Variants in AGER observed in about 807,000 individuals in gnomAD.
AGER encodes the protein advanced glycation end product-specific receptor.
A neutral mutation model predicts 48.8 loss-of-function variants in AGER; 46 were observed. The observed-to-expected ratio is 0.94, with a 90% CI of 0.74 to 1.20. The LOEUF is 1.20. AGER is among the 50% of genes most tolerant of loss of function. The probability of loss-of-function intolerance (pLI) is 0.00; values close to 1 mark genes in which losing one functional copy is unlikely to be tolerated. For synonymous variants in AGER, 170 were observed against 199.9 expected (o/e 0.85, Z 1.26); for missense variants, 489 against 515.0 (o/e 0.95, Z 0.49).
intron 2 of AGER, 49 bp from the exon 3 acceptor site, chr6:32,183,799 G>A: frequency 6.2e-7 from 1 of 1,611,538 alleles, no homozygotes; most frequent in Non-Finnish European, 8.5e-7. Context: ...TTTGGGAAAG[G>A]ACTGTGAGGC....
chr6:32,182,073 C>T lies in AGER; in HGVS notation c.964+174G>A, dbSNP rs1443043137. The T allele has an allele frequency of 5.4e-6, 5 of 931,806 alleles. No homozygotes were observed. The South Asian group carries it at 6.9e-5, about 13-fold the overall frequency. 57.7% of individuals were successfully genotyped at this position (931,806 alleles called of 1,614,324 possible). ...TAGCTCAGAGGGAAGAAGGGAGAGG[C>T]TTGGCTGCTCTCTTGGCAGAATTTG... On this transcript the variant is annotated intron_variant, in intron 8 of 10. Coordinates refer to ENST00000375076, the MANE Select transcript of AGER (RefSeq NM_001136.5). The surrounding 1 kb of genome is among the most constrained non-coding windows in gnomAD (Gnocchi z 5.1).
chr6:32,183,904 G>A lies in AGER; in HGVS notation c.136C>T (p.Pro46Ser), dbSNP rs1226933150. The A allele has an allele frequency of 5.6e-6, 9 of 1,612,972 alleles. No individual in the cohort carries two copies. The highest frequency in any genetic ancestry group is 7.6e-6 in the Non-Finnish European group (9 of 1,180,038). Residue 46 changes from proline to serine, a missense_variant, in exon 2 of 11, where the codon CCC becomes TCC. Transcript: ENST00000375076. ...ACCAGTTTCCATTCCAGCCGCTGGG[G>A]TGGTTTCTTGGGGGCCCCCTTACAC... ...LKCKGAPKKPPQRLEWKLNTG... is the reference protein window; with the variant it reads ...LKCKGAPKKPSQRLEWKLNTG...
In AGER at chr6:32,182,247, C is replaced by G; in HGVS notation, c.964G>C (p.Glu322Gln). ...ESRAVSISII[E>Q]PGEEGPTAGS... is the part of the protein sequence containing the mutation. ...TGTAGGGCTTGGGGAGAGGTCTCACCGATGATGCTGATGCTGACAGCACGG... is the reference window on the plus strand; with the variant it reads ...TGTAGGGCTTGGGGAGAGGTCTCACGGATGATGCTGATGCTGACAGCACGG... The change falls in exon 8 of 11, where the codon GAA becomes CAA. Residue 322 changes from glutamate to glutamine, a missense_variant and splice_region_variant. Glu to Gln is a conservative substitution (Grantham distance 29). Coordinates refer to ENST00000375076, the MANE Select transcript of AGER (RefSeq NM_001136.5). The surrounding 1 kb of genome is among the most constrained non-coding windows in gnomAD (Gnocchi z 5.1). 1 of 1,612,780 alleles carries G rather than the reference C, an allele frequency of 6.2e-7. No homozygotes were observed. The highest frequency in any genetic ancestry group is 8.5e-7 in the Non-Finnish European group (1 of 1,180,016).
rs751597380 is a variant in AGER at position 32,184,166 on chromosome 6, C to A, written c.52+5G>T. 1.1e-5 allele frequency: 18 copies of A among 1,610,638 alleles called. No homozygotes were observed. ...AGGGTCAGTGGGGTTGAGGGAGTGG[C>A]TCACCCCACAGACTGAGGACCAGCA... On this transcript the variant is annotated splice_donor_5th_base_variant and intron_variant, in intron 1 of 10. Transcript: ENST00000375076.
chr6:32,182,261 C>G lies in AGER; in HGVS notation c.950G>C (p.Ser317Thr), dbSNP rs1209475983. Residue 317 changes from serine (S) to threonine (T), a missense_variant, in exon 8 of 11, where the codon AGC becomes ACC. Ser to Thr is a moderately conservative substitution (Grantham distance 58). Coordinates refer to ENST00000375076, the MANE Select transcript of AGER (RefSeq NM_001136.5). The surrounding 1 kb of genome is among the most constrained non-coding windows in gnomAD (Gnocchi z 5.1). ...SHGPQESRAV[S>T]ISIIEPGEEG... is the part of the protein sequence containing the mutation. ...AGAGGTCTCACCGATGATGCTGATG[C>G]TGACAGCACGGCTTTCCTGGGGCCC... 8 of 1,612,876 alleles carry G rather than the reference C, an allele frequency of 5.0e-6. No individual in the cohort carries two copies. Among genetic ancestry groups the G allele is most frequent in the Non-Finnish European group, 6.8e-6 (8 of 1,180,016 alleles).
chr6:32,183,910 T>C lies in AGER; in HGVS notation c.130A>G (p.Lys44Glu), dbSNP rs1376275470. 2 of 1,612,852 alleles carry C rather than the reference T, an allele frequency of 1.2e-6. No homozygotes were observed. Among genetic ancestry groups the C allele is most frequent in the Non-Finnish European group, 1.7e-6 (2 of 1,180,016 alleles). Residue 44 changes from lysine (K) to glutamate (E), a missense_variant, in exon 2 of 11, where the codon AAA becomes GAA. Transcript: ENST00000375076. Reference protein sequence around the residue: ...LVLKCKGAPKKPPQRLEWKLN... With the variant: ...LVLKCKGAPKEPPQRLEWKLN... ...TTCCATTCCAGCCGCTGGGGTGGTT[T>C]CTTGGGGGCCCCCTTACACTTCAGC...
chr6:32,181,733 T>C lies in AGER; in HGVS notation c.965-101A>G. ...GGAGTCTTTCCCTTTCTTTTTTTTTTTGAGATGGAGTTTCACTTTTGTTGC... is the reference window on the plus strand; with the variant it reads ...GGAGTCTTTCCCTTTCTTTTTTTTTCTGAGATGGAGTTTCACTTTTGTTGC... On this transcript the variant is annotated intron_variant, in intron 8 of 10. Transcript: ENST00000375076. This position sits in a 1 kb window ranked among gnomAD's most constrained non-coding sequence, Gnocchi z 4.1. The C allele has an allele frequency of 7.8e-7, 1 of 1,273,946 alleles. No homozygotes were observed. The highest frequency in any genetic ancestry group is 1.1e-6 in the Non-Finnish European group (1 of 911,764). 78.9% of individuals were successfully genotyped at this position (1,273,946 alleles called of 1,614,324 possible). A position where few individuals can be genotyped will look rare whatever the true frequency, so the allele number is the denominator to read the frequency against.
intron 1 of AGER, 51 bp downstream of exon 1, chr6:32,184,120 G>A: frequency 3.1e-6 from 5 of 1,605,166 alleles, no homozygotes; most frequent in Non-Finnish European, 4.3e-6. Context: ...GGGGTGTGGG[G>A]TTAAAGTGCT....
rs201829223 is a variant in AGER, at chr6:32,183,926, A to C, written c.114T>G (p.Cys38Trp). The change falls in exon 2 of 11, where the codon TGT becomes TGG. Residue 38 changes from cysteine (C) to tryptophan (W), a missense_variant. Coordinates refer to ENST00000375076, the MANE Select transcript of AGER (RefSeq NM_001136.5). The stretch of plus-strand genomic sequence containing the variant: ...GGGGTGGTTTCTTGGGGGCCCCCTT[A>C]CACTTCAGCACCAGTGGCTCGCCAA... Reference protein sequence around the residue: ...ARIGEPLVLKCKGAPKKPPQR... With the variant: ...ARIGEPLVLKWKGAPKKPPQR... The C allele has an allele frequency of 8.3e-5, 134 of 1,612,836 alleles. No homozygotes were observed. Among genetic ancestry groups the C allele is most frequent in the Non-Finnish European group, 1.1e-4 (127 of 1,180,008 alleles).
chr6:32,183,586 C>T lies in AGER; in HGVS notation c.324G>A (p.Glu108=). ...CACGGACTCGGTAGTTGGACTTGGT[C>T]TCCTTTCCATTCCTGTTCATTGCCT... ...RCQAMNRNGK[E]TKSNYRVRVY... The change falls in exon 3 of 11, where the codon GAG becomes GAA. Residue 108 remains glutamate (E), a synonymous_variant. Coordinates refer to ENST00000375076, the MANE Select transcript of AGER (RefSeq NM_001136.5). The T allele has an allele frequency of 1.2e-6, 2 of 1,613,088 alleles. No individual in the cohort carries two copies. The highest frequency in any genetic ancestry group is 2.2e-5 in the East Asian group (1 of 44,880).
Position 32,181,443 on chromosome 6 carries a change from G to A in AGER, c.1026C>T (p.Ala342=). 1.2e-6 allele frequency: 2 copies of A among 1,613,396 alleles called. No homozygotes were observed. The highest frequency in any genetic ancestry group is 1.1e-5 in the South Asian group (1 of 91,086). ...GGCCTCCCAGGATCCCCAGGGCCAG[G>A]GCTAGAGTTCCCAGCCCTGATCCTC... The part of the protein sequence containing the change: ...SVGGSGLGTL[A]LALGILGGLG... The change falls in exon 10 of 11, where the codon GCC becomes GCT. Residue 342 remains alanine (A), a synonymous_variant. Transcript: ENST00000375076. This position sits in a 1 kb window ranked among gnomAD's most constrained non-coding sequence, Gnocchi z 4.1.
In AGER at chr6:32,183,749, T is replaced by C. The variant is rs890847537; in HGVS notation, c.161A>G (p.Asn54Ser). ...CTTCCAAGCTTCTGTCCGGCCTGTGTTCTAGAAGCAGAGAAGCAGGGCCTA... is the reference window on the plus strand; with the variant it reads ...CTTCCAAGCTTCTGTCCGGCCTGTGCTCTAGAAGCAGAGAAGCAGGGCCTA... ...KPPQRLEWKL[N>S]TGRTEAWKVL... Residue 54 changes from asparagine to serine, a missense_variant and splice_region_variant, in exon 3 of 11, where the codon AAC (asparagine) becomes AGC (serine). Transcript: ENST00000375076. 2.5e-6 allele frequency: 4 copies of C among 1,612,614 alleles called. No individual in the cohort carries two copies. The highest frequency in any genetic ancestry group is 3.3e-4 in the Middle Eastern group (2 of 6,084).
In AGER at chr6:32,182,728, A is replaced by G. The variant is rs372248959; in HGVS notation, c.692-30T>C. The G allele has an allele frequency of 3.2e-4, 523 of 1,612,936 alleles. 40 individuals are homozygous for G. The highest frequency in any genetic ancestry group is 1.8e-3 in the East Asian group (80 of 44,878). On this transcript the variant is annotated intron_variant, in intron 6 of 10. Transcript: ENST00000375076. This position sits in a 1 kb window ranked among gnomAD's most constrained non-coding sequence, Gnocchi z 5.1. Reference sequence around the variant, plus strand: ...GAGTTGGAAGGGTTTTGAGGTGGAGAGTTACACTTGTGAGTGATCCCAGTG... The same window carrying G: ...GAGTTGGAAGGGTTTTGAGGTGGAGGGTTACACTTGTGAGTGATCCCAGTG...
Position 32,182,978 on chromosome 6 carries a change from A to T in AGER, c.554T>A (p.Leu185His). 1 of 1,612,944 alleles carries T rather than the reference A, an allele frequency of 6.2e-7. No homozygotes were observed. The highest frequency in any genetic ancestry group is 8.5e-7 in the Non-Finnish European group (1 of 1,179,986). Residue 185 changes from leucine to histidine, a missense_variant, in exon 6 of 11, where the codon CTC becomes CAC. Leu to His is a moderately conservative substitution (Grantham distance 99). Transcript: ENST00000375076. The surrounding 1 kb of genome is among the most constrained non-coding windows in gnomAD (Gnocchi z 5.1). ...EQTRRHPETG[L>H]FTLQSELMVT... is the part of the protein sequence containing the mutation. ...CATTAGCTCCGACTGCAGTGTGAAG[A>T]GCCCTGTCTCAGGGTGTCTCCTGGT...
rs1396060896 is a variant in AGER, at chr6:32,181,111, G to T, written c.*32C>A. 3 of 1,606,340 alleles carry T rather than the reference G, an allele frequency of 1.9e-6. No individual in the cohort carries two copies. The highest frequency in any genetic ancestry group is 1.1e-5 in the South Asian group (1 of 90,932). On this transcript the variant is annotated 3_prime_UTR_variant, in exon 11 of 11. Transcript: ENST00000375076. This position sits in a 1 kb window ranked among gnomAD's most constrained non-coding sequence, Gnocchi z 4.1. ...AACAGTTCAAGGGAAAAAGAAAAGG[G>T]AGCTGATGGATGGGATCTGTCTGTG...
Position 32,181,576 on chromosome 6 carries a change from C to G in AGER, c.991+30G>C, listed in dbSNP as rs1348803211. ...AGTCACATGTGTTGGGGGCTATCTT[C>G]TGCTTCCCTGACTTTATCAAACCCC... On this transcript the variant is annotated intron_variant, in intron 9 of 10. Transcript: ENST00000375076. This position sits in a 1 kb window ranked among gnomAD's most constrained non-coding sequence, Gnocchi z 4.1. 1.2e-6 allele frequency: 2 copies of G among 1,613,036 alleles called. No individual in the cohort carries two copies. The highest frequency in any genetic ancestry group is 1.3e-5 in the African/African-American group (1 of 74,946).
chr6:32,183,045 A>C, intron 5 of AGER, 22 bp from the exon 6 acceptor site: 1 of 1,613,012 alleles, frequency 6.2e-7, no homozygotes, highest in Non-Finnish European at 8.5e-7. Context: ...GGATAAGACA[A>C]ATTATCCCAG....
chr6:32,182,324 T>C lies in AGER; in HGVS notation c.887A>G (p.Gln296Arg). ...GGTGGCCACACAGCTGTAGGTTCCC[T>C]GGTCCTGAGGCCCTATCTCAGGGAG... Reference protein sequence around the residue: ...LILPEIGPQDQGTYSCVATHS... With the variant: ...LILPEIGPQDRGTYSCVATHS... The change falls in exon 8 of 11, where the codon CAG (glutamine) becomes CGG (arginine). Residue 296 changes from glutamine to arginine, a missense_variant. By Grantham distance (43) the Gln-to-Arg change is conservative. Transcript: ENST00000375076. The surrounding 1 kb of genome is among the most constrained non-coding windows in gnomAD (Gnocchi z 5.1). 1 of 1,612,554 alleles carries C rather than the reference T, an allele frequency of 6.2e-7. No individual in the cohort carries two copies. Among genetic ancestry groups the C allele is most frequent in the South Asian group, 1.1e-5 (1 of 91,076 alleles).
At chr6:32,183,800 A>G in intron 2 of AGER, 50 bp from the exon 3 acceptor site, 1 of 1,611,514 alleles carries the variant, frequency 6.2e-7, no homozygotes, top group Non-Finnish European at 8.5e-7. Flanking sequence ...TTGGGAAAGG[A>G]CTGTGAGGCA....
Sources: gnomAD v4.1 joint callset for allele counts on GRCh38, gnomAD v4.1.1 for gene constraint, Gnocchi (gnomAD v3.1) non-coding constraint, MANE v1.5 for transcripts, NCBI Gene and HGNC (gene_info 2026-07-23, HGNC 2026-07-21) for gene names.